The following SGCZ variants were observed in gnomAD, a reference collection of about 807,000 sequenced individuals.
SGCZ encodes the protein sarcoglycan zeta.
SGCZ carries 40 observed loss-of-function variants against 41.3 expected under a neutral mutation model. The ratio of observed to expected loss-of-function variants is 0.97; its 90% confidence interval spans 0.75 to 1.26. The LOEUF is 1.26. Ranked by LOEUF, SGCZ falls within the 50% of genes most tolerant of loss-of-function variation. SGCZ has a pLI of 0.00. For missense variants in SGCZ, 552 were observed against 369.8 expected (o/e 1.49, Z -4.04); for synonymous variants, 206 against 137.5 (o/e 1.50, Z -3.49).
At chr8:14,156,160 G>A (rs1012884887) in intron 5 of SGCZ, among the ~76,000 whole-genome samples, 1 of 152,142 alleles carries the variant, frequency 6.6e-6, no homozygotes, top group South Asian at 2.1e-4. Flanking sequence ...TAGAGGCGAC[G>A]CTGAATTTAT....
chr8:14,398,176 T>C (rs1391592906), intron 2 of SGCZ, among the ~76,000 whole-genome samples: 3 of 152,156 alleles, frequency 2.0e-5, no homozygotes, highest in Admixed American at 6.6e-5. Context: ...GTGTGCCTGA[T>C]AGACCTGAAT....
In SGCZ at chr8:14,485,370, G is replaced by A. The variant is rs148379694; in HGVS notation, c.234+69362C>T. On this transcript the variant is annotated intron_variant, in intron 2 of 7. Coordinates refer to ENST00000382080, the MANE Select transcript of SGCZ (RefSeq NM_139167.4). ...TCCCGCCTCAGCCTCCCGAGTAGCT[G>A]GGATTACAGGCGTGCGCCACTATGC... Among the ~76,000 whole-genome samples the A allele has an allele frequency of 2.7e-3, 408 of 152,204 alleles. 3 individuals carry two copies. The highest frequency in any genetic ancestry group is 8.9e-3 in the African/African-American group (371 of 41,536).
chr8:15,204,081 T>C (rs1469963368), intron 1 of SGCZ, among the ~76,000 whole-genome samples: 1 of 152,238 alleles, frequency 6.6e-6, no homozygotes, highest in African/African-American at 2.4e-5. Context: ...TGACCAATTA[T>C]AGTAGCTATC....
At chr8:15,014,235 G>A (rs1049366101) in intron 1 of SGCZ, among the ~76,000 whole-genome samples, 3 of 152,120 alleles carry the variant, frequency 2.0e-5, no homozygotes, top group Non-Finnish European at 4.4e-5. Flanking sequence ...TGTCAAAAAA[G>A]AAATGGCTCA....
At chr8:14,938,010 T>A (rs891756855) in intron 1 of SGCZ, among the ~76,000 whole-genome samples, 2 of 152,166 alleles carry the variant, frequency 1.3e-5, no homozygotes, top group Non-Finnish European at 2.9e-5. Flanking sequence ...TGGAAATAAC[T>A]TTATGAACAT....
intron 2 of SGCZ, among the ~76,000 whole-genome samples, chr8:14,458,638 A>G (rs1344463918): frequency 6.6e-6 from 1 of 152,186 alleles, no homozygotes; most frequent in South Asian, 2.1e-4. Context: ...GCTGTGTAGC[A>G]ACATGTGGAC....
At chr8:14,453,322 A>C (rs11775370) in intron 2 of SGCZ, among the ~76,000 whole-genome samples, 65,174 of 151,938 alleles carry the variant, frequency 0.43, 14,750 homozygotes, top group African/African-American at 0.57. Flanking sequence ...TAAAGTCAAT[A>C]ATTTCTTTTC....
intron 1 of SGCZ, among the ~76,000 whole-genome samples, chr8:15,064,813 G>C (rs1357763133): frequency 6.6e-6 from 1 of 152,094 alleles, no homozygotes; most frequent in Non-Finnish European, 1.5e-5. Context: ...TTCTTCCTTG[G>C]CAATACTCAT....
intron 1 of SGCZ, among the ~76,000 whole-genome samples, chr8:14,588,465 G>T (rs911996328): frequency 6.6e-6 from 1 of 151,950 alleles, no homozygotes; most frequent in African/African-American, 2.4e-5. Context: ...TTAATAATCA[G>T]AATAAACAAT....
chr8:14,851,880 C>T (rs142601077), intron 1 of SGCZ, among the ~76,000 whole-genome samples: 1 of 151,886 alleles, frequency 6.6e-6, no homozygotes, highest in Admixed American at 6.6e-5. Flanking sequence ...GTGTTATATG[C>T]AGGATAACCA....
At chr8:14,689,030 A>G (rs914027094) in intron 1 of SGCZ, among the ~76,000 whole-genome samples, 8 of 152,182 alleles carry the variant, frequency 5.3e-5, no homozygotes, top group Non-Finnish European at 1.2e-4. Flanking sequence ...TAAAGCAAGC[A>G]CAGTCAGTGA....
At chr8:14,409,124 A>G (rs1799292525) in intron 2 of SGCZ, among the ~76,000 whole-genome samples, 1 of 152,048 alleles carries the variant, frequency 6.6e-6, no homozygotes. Flanking sequence ...AAGTTGTTGA[A>G]CTGATTATTA....
chr8:14,985,004 A>G (rs1454954379), intron 1 of SGCZ, among the ~76,000 whole-genome samples: 2 of 152,174 alleles, frequency 1.3e-5, no homozygotes, highest in Non-Finnish European at 2.9e-5. Context: ...CTTTAAAAAT[A>G]TCACGATGCT....
At chr8:14,426,531 G>A (rs937359129) in intron 2 of SGCZ, among the ~76,000 whole-genome samples, 3 of 152,114 alleles carry the variant, frequency 2.0e-5, no homozygotes, top group South Asian at 4.1e-4. Flanking sequence ...GTTATGACCA[G>A]GAGAGAAATG....
At chr8:14,185,710 C>T (rs1650131368) in intron 4 of SGCZ, among the ~76,000 whole-genome samples, 1 of 152,106 alleles carries the variant, frequency 6.6e-6, no homozygotes, top group Non-Finnish European at 1.5e-5. Flanking sequence ...TATCCCTGCT[C>T]ACTCATCGTC....
At chr8:14,174,262 C>T (rs1013329028) in intron 4 of SGCZ, among the ~76,000 whole-genome samples, 2 of 152,054 alleles carry the variant, frequency 1.3e-5, no homozygotes, top group Non-Finnish European at 2.9e-5. Context: ...TGTGATATTG[C>T]ATAACGATAG....
chr8:14,371,848 G>T (rs566912526), intron 2 of SGCZ, among the ~76,000 whole-genome samples: 1 of 152,042 alleles, frequency 6.6e-6, no homozygotes, highest in African/African-American at 2.4e-5. Flanking sequence ...ATATGGAGAA[G>T]AAAAAAGAGC....
chr8:14,589,868 A>T (rs1386752974), intron 1 of SGCZ, among the ~76,000 whole-genome samples: 1 of 152,302 alleles, frequency 6.6e-6, no homozygotes, highest in African/African-American at 2.4e-5. Flanking sequence ...ATTTTGCCCA[A>T]CTAGATATGG....
At chr8:14,716,877 C>G (rs1263232951) in intron 1 of SGCZ, among the ~76,000 whole-genome samples, 1 of 152,002 alleles carries the variant, frequency 6.6e-6, no homozygotes, top group Non-Finnish European at 1.5e-5. Context: ...TTCTATAAAG[C>G]CTACTTCCTC....
Sources: gnomAD v4.1 joint callset for allele counts (sites outside exome capture counted in the v4.1 genomes callset) on GRCh38, gnomAD v4.1.1 for gene constraint, MANE v1.5 for transcripts, NCBI Gene and HGNC (gene_info 2026-07-23, HGNC 2026-07-21) for gene names.